Variants in ERAP1 observed in about 807,000 individuals in gnomAD.
ERAP1 encodes the protein endoplasmic reticulum aminopeptidase 1.
Under a neutral mutation model 103.7 loss-of-function variants are expected in ERAP1, and 86 were observed. That is an observed-to-expected ratio of 0.83 (90% confidence interval 0.70 to 0.99). The LOEUF (loss-of-function observed/expected upper bound fraction) is 0.99, where lower values mean the gene tolerates loss of function less well. Ranked by LOEUF, ERAP1 falls within the 50% of genes least tolerant of loss-of-function variation. The probability of loss-of-function intolerance (pLI) is 0.00; values close to 1 mark genes in which losing one functional copy is unlikely to be tolerated. For synonymous variants in ERAP1, 398 were observed against 402.4 expected, an observed-to-expected ratio of 0.99 and a Z score of 0.13; for missense variants, 1,009 against 1,128.4, an observed-to-expected ratio of 0.89 and a Z score of 1.52.
the ERAP1 span, among the ~76,000 whole-genome samples, chr5:96,893,077 G>C: frequency 1.3e-5 from 2 of 152,150 alleles, no homozygotes; most frequent in Non-Finnish European, 2.9e-5. Flanking sequence ...TAATGATGAT[G>C]ACAACGGCCA....
At chr5:96,783,265 CA>C (rs776384395) in intron 14 of ERAP1, 30 bp from the exon 15 acceptor site, 2 of 1,589,498 alleles carry the variant, frequency 1.3e-6, no homozygotes, top group African/African-American at 2.7e-5. Flanking sequence ...AAACAGGGAC[CA>C]GTATTGTCAC....
chr5:96,798,324 C>CAAAAAAAAAAA (rs3076633), intron 3 of ERAP1, among the ~76,000 whole-genome samples: 1 of 76,344 alleles, frequency 1.3e-5, no homozygotes, highest in Non-Finnish European at 2.4e-5. Context: ...GACTCCATCT[C>CAAAAAAAAAAA]AAAAAAAAAA....
the ERAP1 span, among the ~76,000 whole-genome samples, chr5:96,836,893 AATG>A: frequency 1.3e-5 from 2 of 152,240 alleles, no homozygotes; most frequent in Non-Finnish European, 2.9e-5. Flanking sequence ...TAAAAATTAT[AATG>A]ATAATGCAAA....
chr5:96,894,103 T>C, the ERAP1 span, among the ~76,000 whole-genome samples: 1 of 152,220 alleles, frequency 6.6e-6, no homozygotes, highest in Admixed American at 6.5e-5. Flanking sequence ...CCATCATTTG[T>C]ATTGAGGCAG....
chr5:96,804,043 G>A, intron 1 of ERAP1, 100 bp from the exon 2 acceptor site: 1 of 1,341,776 alleles, frequency 7.5e-7, no homozygotes, highest in Non-Finnish European at 1.0e-6. Flanking sequence ...ACAGAAATAG[G>A]CATAAACTTC....
the ERAP1 span, among the ~76,000 whole-genome samples, chr5:96,916,228 CA>C: frequency 1.7e-5 from 2 of 117,100 alleles, no homozygotes; most frequent in East Asian, 2.6e-4. Context: ...CTCAAAAAAA[CA>C]AAAAACAAAA....
At chr5:96,898,601 G>C in the ERAP1 span, among the ~76,000 whole-genome samples, 3 of 133,160 alleles carry the variant, frequency 2.3e-5, no homozygotes, top group African/African-American at 8.4e-5. Flanking sequence ...AATTAGCCAG[G>C]TCTGGTGGAT....
chr5:96,838,177 G>A, the ERAP1 span, among the ~76,000 whole-genome samples: 2 of 152,144 alleles, frequency 1.3e-5, no homozygotes, highest in African/African-American at 4.8e-5. Context: ...CAGCGAACCT[G>A]CCCTCTTCTG....
downstream of ERAP1, chr5:96,772,376 C>CA (rs1772740215): frequency 6.5e-6 from 1 of 152,800 alleles, no homozygotes; most frequent in Admixed American, 6.6e-5. Flanking sequence ...TAAAAGAAAT[C>CA]AAAGTATAGG....
At chr5:96,891,367 ATG>A in the ERAP1 span, among the ~76,000 whole-genome samples, 75,953 of 145,810 alleles carry the variant, frequency 0.52, 19,588 homozygotes, top group Middle Eastern at 0.6. Flanking sequence ...GTATATATAT[ATG>A]TGTATATATA....
the ERAP1 span, among the ~76,000 whole-genome samples, chr5:96,900,470 C>A: frequency 6.6e-6 from 1 of 152,266 alleles, no homozygotes; most frequent in African/African-American, 2.4e-5. Context: ...GTTACTACTG[C>A]ATTGGCATCC....
chr5:96,787,891 G>A (rs903045127), intron 11 of ERAP1, among the ~76,000 whole-genome samples: 6 of 150,588 alleles, frequency 4.0e-5, no homozygotes, highest in Admixed American at 4.0e-4. Context: ...GAGAGAGAGA[G>A]CAAGAGAGAG....
the ERAP1 span, among the ~76,000 whole-genome samples, chr5:96,867,651 T>G: frequency 0.48 from 72,438 of 151,990 alleles, 18,574 homozygotes; most frequent in African/African-American, 0.65. Context: ...TCATGGCAGG[T>G]TCCAAGGACC....
the ERAP1 span, among the ~76,000 whole-genome samples, chr5:96,933,090 G>A: frequency 5.7e-3 from 862 of 151,938 alleles, 9 homozygotes; most frequent in African/African-American, 0.02. Context: ...GCTCTATGAA[G>A]TCAAATGTAA....
chr5:96,829,338 TTGGTACAC>T, the ERAP1 span, among the ~76,000 whole-genome samples: 1 of 152,232 alleles, frequency 6.6e-6, no homozygotes, highest in Admixed American at 6.5e-5. Context: ...TCTTACAGCA[TTGGTACAC>T]TGGCATACTG....
At chr5:96,866,776 T>C in the ERAP1 span, among the ~76,000 whole-genome samples, 23 of 152,292 alleles carry the variant, frequency 1.5e-4, no homozygotes, top group African/African-American at 4.6e-4. Flanking sequence ...GTTGATGTGC[T>C]ATTGACAAAC....
At chr5:96,876,334 T>C in the ERAP1 span, 1 of 152,364 alleles carries the variant, frequency 6.6e-6, no homozygotes, top group East Asian at 1.9e-4. Flanking sequence ...GCCACTTATT[T>C]GTGCATTCTA....
chr5:96,895,127 C>G, the ERAP1 span: 3 of 605,440 alleles, frequency 5.0e-6, no homozygotes, highest in Non-Finnish European at 8.6e-6. Flanking sequence ...AAAAGGGTAG[C>G]AAAGAGAGAA....
Position 96,795,090 on chromosome 5 carries a change from C to A in ERAP1, c.871G>T (p.Glu291Ter), listed in dbSNP as rs150415434. ...YALDAAVTLL[E>*]FYEDYFSIPY... ...ATGCTGAAATAATCCTCATAAAATT[C>A]TAGAAGAGTCACCGCAGCATCCAGT... The change falls in exon 5 of 19, where the codon GAA (glutamate) becomes TAA (stop). Residue 291 changes from glutamate to a stop codon, truncating the protein, a stop_gained. Coordinates refer to ENST00000443439, the MANE Select transcript of ERAP1 (RefSeq NM_001040458.3). LOFTEE classifies it high-confidence loss of function. 8 of 1,613,872 alleles carry A rather than the reference C, an allele frequency of 5.0e-6. No homozygotes were observed. The African/African-American group carries it at 1.1e-4, about 22-fold the overall frequency.
Sources: gnomAD v4.1 joint callset for allele counts (sites outside exome capture counted in the v4.1 genomes callset) on GRCh38, gnomAD v4.1.1 for gene constraint, MANE v1.5 for transcripts, NCBI Gene and HGNC (gene_info 2026-07-23, HGNC 2026-07-21) for gene names.